Variants in GABPA observed in about 807,000 individuals in gnomAD.
GABPA encodes GA binding protein transcription factor subunit alpha.
Under a neutral mutation model 59.4 loss-of-function variants are expected in GABPA, and 4 were observed. That is an observed-to-expected ratio of 0.07 (90% CI 0.03 to 0.15). The LOEUF (loss-of-function observed/expected upper bound fraction) is 0.15, where lower values mean the gene tolerates loss of function less well. Ranked by LOEUF, GABPA falls within the 10% of genes least tolerant of loss-of-function variation. GABPA has a pLI of 1.00. For missense variants in GABPA, 251 were observed against 543.8 expected, an observed-to-expected ratio of 0.46 and a Z score of 5.36; for synonymous variants, 164 against 183.1, an observed-to-expected ratio of 0.90 and a Z score of 0.84.
At chr21:25,763,084 CTT>C in intron 7 of GABPA, 3 of 436,906 alleles carry the variant, frequency 6.9e-6, no homozygotes, top group East Asian at 5.8e-5. Context: ...CTAGAAGAGT[CTT>C]TTTGTTTCTC....
intron 5 of GABPA, among the ~76,000 whole-genome samples, chr21:25,756,447 C>T (rs2123545698): frequency 6.6e-6 from 1 of 152,326 alleles, no homozygotes; most frequent in East Asian, 1.9e-4. Context: ...GGGCCATTCT[C>T]CTGAAAGTGG....
intron 1 of GABPA, among the ~76,000 whole-genome samples, chr21:25,739,040 G>A (rs1425733035): frequency 1.3e-5 from 2 of 152,144 alleles, no homozygotes; most frequent in Non-Finnish European, 2.9e-5. Flanking sequence ...CAGTCGGCTA[G>A]ATGTGCTTGT....
intron 1 of GABPA, among the ~76,000 whole-genome samples, chr21:25,739,325 T>A (rs1415262996): frequency 1.3e-5 from 2 of 152,214 alleles, no homozygotes; most frequent in Admixed American, 1.3e-4. Context: ...GTGTAACAAA[T>A]TATGCAAATT....
chr21:25,759,288 T>C (rs2035711369), intron 6 of GABPA, among the ~76,000 whole-genome samples: 1 of 152,204 alleles, frequency 6.6e-6, no homozygotes, highest in African/African-American at 2.4e-5. Context: ...CTGACTTTGC[T>C]TTTGTATCAG....
intron 1 of GABPA, among the ~76,000 whole-genome samples, chr21:25,741,104 A>G (rs2035209956): frequency 6.6e-6 from 1 of 152,204 alleles, no homozygotes; most frequent in African/African-American, 2.4e-5. Context: ...TTTTTAAAAA[A>G]TTAGTTTATA....
At chr21:25,740,328 A>G (rs1019227106) in intron 1 of GABPA, among the ~76,000 whole-genome samples, 5 of 152,252 alleles carry the variant, frequency 3.3e-5, no homozygotes, top group African/African-American at 1.2e-4. Context: ...GTGGGAGCAC[A>G]ACTCTTTTGT....
Position 25,749,069 on chromosome 21 carries a change from G to T in GABPA, c.256G>T (p.Val86Leu), listed in dbSNP as rs1286533603. Residue 86 changes from valine to leucine, a missense_variant, in exon 4 of 10, where the codon GTA becomes TTA. By Grantham distance (32) the Val-to-Leu change is conservative. Coordinates refer to ENST00000400075, the MANE Select transcript of GABPA (RefSeq NM_002040.4). ...AGAACGAAGTTTATTTGACCAAGGAGTAAAAACAGATGGAACTGTACAGCT... is the reference window on the plus strand; with the variant it reads ...AGAACGAAGTTTATTTGACCAAGGATTAAAAACAGATGGAACTGTACAGCT... ...DPERSLFDQG[V>L]KTDGTVQLSV... is the part of the protein sequence containing the mutation. 6.2e-7 allele frequency: 1 copy of T among 1,609,444 alleles called. No individual in the cohort carries two copies. The highest frequency in any genetic ancestry group is 1.3e-5 in the African/African-American group (1 of 74,898).
intron 6 of GABPA, among the ~76,000 whole-genome samples, chr21:25,758,995 G>A (rs912037074): frequency 2.6e-5 from 4 of 152,220 alleles, no homozygotes; most frequent in Non-Finnish European, 5.9e-5. Flanking sequence ...GCCTGAACCT[G>A]AAAGGCGGAG....
rs1475623146 is a variant in GABPA at position 25,772,330 on chromosome 21, G to A, written c.*3098G>A. 2.0e-5 allele frequency: 3 copies of A among 151,880 alleles called. No individual in the cohort carries two copies. The highest frequency in any genetic ancestry group is 2.9e-5 in the Non-Finnish European group (2 of 67,878). 9.4% of individuals were successfully genotyped at this position (151,880 alleles called of 1,614,324 possible). The stretch of plus-strand genomic sequence containing the variant: ...CTTATACTGTCATAATAACAATTAT[G>A]TATTTCTTTGTGGTTTTAATTTTTT... On this transcript the variant is annotated 3_prime_UTR_variant, in exon 10 of 10. Coordinates refer to ENST00000400075, the MANE Select transcript of GABPA (RefSeq NM_002040.4).
At chr21:25,755,958 A>G (rs548993522) in intron 5 of GABPA, among the ~76,000 whole-genome samples, 1 of 152,194 alleles carries the variant, frequency 6.6e-6, no homozygotes, top group Non-Finnish European at 1.5e-5. Context: ...CTCCTATGCC[A>G]AATCGATTAC....
chr21:25,740,332 CTT>C (rs1448918646), intron 1 of GABPA, among the ~76,000 whole-genome samples: 1 of 152,188 alleles, frequency 6.6e-6, no homozygotes, highest in Non-Finnish European at 1.5e-5. Context: ...GAGCACAACT[CTT>C]TTGTAAATGT....
At chr21:25,756,493 A>G (rs960392209) in intron 5 of GABPA, among the ~76,000 whole-genome samples, 74 of 152,188 alleles carry the variant, frequency 4.9e-4, no homozygotes, top group African/African-American at 1.8e-3. Context: ...CAGGTGCTAC[A>G]TTGCTTCAGC....
intron 2 of GABPA, among the ~76,000 whole-genome samples, chr21:25,742,130 C>T (rs1053579332): frequency 2.0e-5 from 3 of 152,132 alleles, no homozygotes; most frequent in Admixed American, 1.3e-4. Context: ...TGAGTACTTA[C>T]GGGACCAGTA....
rs1372397561 is a variant in GABPA, at chr21:25,755,876, T to A, written c.554-2134T>A. Among the ~76,000 whole-genome samples the A allele has an allele frequency of 5.3e-5, 8 of 152,142 alleles. No homozygotes were observed. In the East Asian group the frequency reaches 1.5e-3, roughly 29 times the overall value. ...CCATGACTTGAACCAGTGAAGGGGG[T>A]TCTGCAGGCAGGAATTCTCTCACTT... On this transcript the variant is annotated intron_variant, in intron 5 of 9. Transcript: ENST00000400075.
At chr21:25,737,189 A>G (rs756683297) in intron 1 of GABPA, among the ~76,000 whole-genome samples, 6 of 152,246 alleles carry the variant, frequency 3.9e-5, no homozygotes, top group Non-Finnish European at 7.3e-5. Flanking sequence ...CCAGAGTGTC[A>G]AAGTATATGA....
intron 9 of GABPA, among the ~76,000 whole-genome samples, 179 bp from the exon 10 acceptor site, chr21:25,768,825 A>G (rs2035952814): frequency 6.6e-6 from 1 of 152,094 alleles, no homozygotes; most frequent in South Asian, 2.1e-4. Context: ...AATTTTAGTA[A>G]ATAATGTTGG....
intron 9 of GABPA, among the ~76,000 whole-genome samples, chr21:25,768,439 A>C (rs919366073): frequency 2.0e-5 from 3 of 151,898 alleles, no homozygotes; most frequent in Non-Finnish European, 4.4e-5. Flanking sequence ...ATATGTATTA[A>C]TTTTTTTTAT....
At chr21:25,752,359 A>C in intron 5 of GABPA, 125 bp downstream of exon 5, 2 of 1,009,136 alleles carry the variant, frequency 2.0e-6, no homozygotes, top group Non-Finnish European at 2.9e-6. Context: ...GATTTTCTGT[A>C]TCTCTCTTTT....
At chr21:25,739,013 C>T (rs963217021) in intron 1 of GABPA, among the ~76,000 whole-genome samples, 1 of 152,178 alleles carries the variant, frequency 6.6e-6, no homozygotes, top group Non-Finnish European at 1.5e-5. Flanking sequence ...TAGATATGCA[C>T]GTGAACAGAA....
Sources: gnomAD v4.1 joint callset for allele counts (sites outside exome capture counted in the v4.1 genomes callset) on GRCh38, gnomAD v4.1.1 for gene constraint, MANE v1.5 for transcripts, NCBI Gene and HGNC (gene_info 2026-07-23, HGNC 2026-07-21) for gene names.